Variants in CTDSPL2 observed in about 807,000 individuals in gnomAD.
The protein encoded by CTDSPL2 is CTD small phosphatase-like protein 2.
Under a neutral mutation model 60.0 loss-of-function variants are expected in CTDSPL2, and 5 were observed. The observed-to-expected ratio is 0.08, with a 90% CI of 0.04 to 0.18. The LOEUF is 0.18. Among genes scored for constraint, CTDSPL2 ranks in the 10% least tolerant of loss-of-function variants. The pLI, the probability that CTDSPL2 is intolerant of heterozygous loss-of-function variation, is 1.00. For synonymous variants in CTDSPL2, 186 were observed against 189.3 expected (o/e 0.98, Z 0.14); for missense variants, 370 against 548.8 (o/e 0.67, Z 3.26).
At chr15:44,473,998 T>G (rs765614300) in intron 2 of CTDSPL2, among the ~76,000 whole-genome samples, 2 of 152,136 alleles carry the variant, frequency 1.3e-5, no homozygotes, top group Non-Finnish European at 1.5e-5. Context: ...CGGGCTAATT[T>G]TTATATTTTA....
At position 44,500,661 on chromosome 15, in the gene CTDSPL2, T is replaced by A. The variant is rs546949950; in HGVS notation, c.969+848T>A. On this transcript the variant is annotated intron_variant, in intron 8 of 12. Coordinates refer to ENST00000260327, the MANE Select transcript of CTDSPL2 (RefSeq NM_016396.3). ...ATGTGGATGATGAAAATGTGTTTGG[T>A]TGTTTATGTGCTCTTAAAGGCAGTT... is the stretch of plus-strand genomic sequence containing the variant. Among the ~76,000 whole-genome samples the A allele has an allele frequency of 2.0e-5, 3 of 152,296 alleles. No homozygotes were observed. In the East Asian group the frequency reaches 5.8e-4, roughly 29 times the overall value.
rs1161616122 is a variant in CTDSPL2, at chr15:44,527,477, C to T, written c.*3303C>T. 1 of 152,140 alleles carries T rather than the reference C, an allele frequency of 6.6e-6. No homozygotes were observed. The highest frequency in any genetic ancestry group is 1.5e-5 in the Non-Finnish European group (1 of 68,006). The allele number at this position is 152,140 out of a possible 1,614,324, so 9.4% of individuals were successfully genotyped here. ...ATTTCATTATTCCTACAGATCTTTC[C>T]TGCGAGCACAGAATTCTTCATAAGG... On this transcript the variant is annotated 3_prime_UTR_variant, in exon 13 of 13. Coordinates refer to ENST00000260327, the MANE Select transcript of CTDSPL2 (RefSeq NM_016396.3).
At chr15:44,447,574 T>C (rs2080243240) in intron 1 of CTDSPL2, 1 of 152,470 alleles carries the variant, frequency 6.6e-6, no homozygotes, top group Admixed American at 6.5e-5. Flanking sequence ...AAAAAAGGCA[T>C]ATTTCTATCG....
At chr15:44,456,236 C>T (rs1350360741) in intron 1 of CTDSPL2, among the ~76,000 whole-genome samples, 1 of 152,144 alleles carries the variant, frequency 6.6e-6, no homozygotes, top group Non-Finnish European at 1.5e-5. Context: ...GGCTTTGTAT[C>T]AGGATGATGC....
intron 2 of CTDSPL2, among the ~76,000 whole-genome samples, chr15:44,473,429 G>C (rs1214511356): frequency 4.6e-5 from 7 of 152,110 alleles, no homozygotes; most frequent in Non-Finnish European, 7.4e-5. Context: ...CCTAGTAGCT[G>C]GGACTACAGG....
intron 1 of CTDSPL2, among the ~76,000 whole-genome samples, chr15:44,436,848 CATCAGAACAGGTTGAGT>C (rs960749343): frequency 2.6e-5 from 4 of 152,128 alleles, no homozygotes; most frequent in Non-Finnish European, 5.9e-5. Context: ...ATGCATGACA[CATCAGAACAGGTTGAGT>C]ATCCCTCATC....
intron 2 of CTDSPL2, among the ~76,000 whole-genome samples, chr15:44,461,442 G>T (rs1240259261): frequency 6.6e-6 from 1 of 151,890 alleles, no homozygotes; most frequent in Admixed American, 6.6e-5. Flanking sequence ...AGGCTGGAGT[G>T]CAGTGATACT....
intron 2 of CTDSPL2, among the ~76,000 whole-genome samples, chr15:44,475,856 T>G (rs1226504169): frequency 2.0e-5 from 3 of 152,192 alleles, no homozygotes; most frequent in African/African-American, 7.2e-5. Flanking sequence ...TAAGACAACC[T>G]TATGCAGCCA....
At chr15:44,431,109 A>T (rs1363998111) in intron 1 of CTDSPL2, among the ~76,000 whole-genome samples, 1 of 147,946 alleles carries the variant, frequency 6.8e-6, no homozygotes, top group African/African-American at 2.5e-5. Context: ...GATGTGAGCC[A>T]CCGCATCTGG....
intron 1 of CTDSPL2, among the ~76,000 whole-genome samples, chr15:44,437,024 G>A (rs1265828980): frequency 6.6e-6 from 1 of 152,178 alleles, no homozygotes; most frequent in African/African-American, 2.4e-5. Flanking sequence ...CACATAGTCT[G>A]AAGGTAATTT....
At chr15:44,500,267 C>G (rs2081364587) in intron 8 of CTDSPL2, among the ~76,000 whole-genome samples, 1 of 152,134 alleles carries the variant, frequency 6.6e-6, no homozygotes, top group African/African-American at 2.4e-5. Flanking sequence ...TATAATTAAT[C>G]TTAGAATTCC....
rs987203788 is a variant in CTDSPL2 at position 44,528,480 on chromosome 15, A to T, written c.*4306A>T. On this transcript the variant is annotated 3_prime_UTR_variant, in exon 13 of 13. Transcript: ENST00000260327. ...GTTTGAGAGTAGGCAACAAAATTAAAGTTCACCAGACATCTCTTTGTGGTA... is the reference window on the plus strand; with the variant it reads ...GTTTGAGAGTAGGCAACAAAATTAATGTTCACCAGACATCTCTTTGTGGTA... 2.6e-5 allele frequency: 4 copies of T among 151,842 alleles called. No homozygotes were observed. The highest frequency in any genetic ancestry group is 4.8e-5 in the African/African-American group (2 of 41,350). The allele number at this position is 151,842 out of a possible 1,614,324, so 9.4% of individuals were successfully genotyped here. A position where few individuals can be genotyped will look rare whatever the true frequency, so the allele number is the denominator to read the frequency against.
intron 12 of CTDSPL2, among the ~76,000 whole-genome samples, chr15:44,522,065 G>T (rs1595786049): frequency 1.3e-5 from 2 of 151,178 alleles, no homozygotes; most frequent in South Asian, 4.2e-4. Context: ...GCAGGGTCTT[G>T]TTCTGTCACC....
intron 8 of CTDSPL2, among the ~76,000 whole-genome samples, chr15:44,513,379 A>G (rs2081598201): frequency 6.6e-6 from 1 of 152,130 alleles, no homozygotes; most frequent in South Asian, 2.1e-4. Flanking sequence ...AGGCAGGAGA[A>G]TCACTTGAAC....
intron 7 of CTDSPL2, among the ~76,000 whole-genome samples, chr15:44,497,396 C>T (rs892474825): frequency 6.6e-5 from 10 of 152,080 alleles, no homozygotes; most frequent in Admixed American, 2.0e-4. Flanking sequence ...GATGGAGTCT[C>T]GCTCTGTCGC....
chr15:44,477,076 C>T (rs565439761), intron 2 of CTDSPL2, among the ~76,000 whole-genome samples: 3 of 152,250 alleles, frequency 2.0e-5, no homozygotes, highest in Non-Finnish European at 2.9e-5. Context: ...CTTTTAAAAA[C>T]GAATTAGTCA....
chr15:44,448,307 G>C (rs1567064363), intron 1 of CTDSPL2: 2 of 273,054 alleles, frequency 7.3e-6, no homozygotes, highest in African/African-American at 2.2e-5. Flanking sequence ...AGGCCCAGCA[G>C]GCCCATGCGC....
At chr15:44,516,924 C>T (rs939830514) in intron 10 of CTDSPL2, 2 of 152,070 alleles carry the variant, frequency 1.3e-5, no homozygotes, top group African/African-American at 4.8e-5. Flanking sequence ...ACTGTAAACT[C>T]GGCCTCCCAG....
intron 1 of CTDSPL2, among the ~76,000 whole-genome samples, chr15:44,429,995 C>T (rs548100354): frequency 1.6e-4 from 25 of 152,332 alleles, no homozygotes; most frequent in Non-Finnish European, 3.4e-4. Context: ...TTCCATTCTA[C>T]ATAGTGTCTC....
Sources: gnomAD v4.1 joint callset for allele counts (sites outside exome capture counted in the v4.1 genomes callset) on GRCh38, gnomAD v4.1.1 for gene constraint, MANE v1.5 for transcripts, NCBI Gene and HGNC (gene_info 2026-07-23, HGNC 2026-07-21) for gene names.